Variants in INTS9 observed in about 807,000 individuals in gnomAD.
The protein encoded by INTS9 is integrator complex subunit 9, also known as protein related to CPSF subunits of 74 kDa.
In INTS9, 55 loss-of-function variants were observed where a neutral mutation model predicts 79.7. That is an observed-to-expected ratio of 0.69 (90% CI 0.56 to 0.86). The LOEUF (loss-of-function observed/expected upper bound fraction) is 0.86. Ranked by LOEUF, INTS9 falls within the 40% of genes least tolerant of loss-of-function variation. The probability of loss-of-function intolerance (pLI) is 0.00; values close to 1 mark genes in which losing one functional copy is unlikely to be tolerated. For missense variants in INTS9, 721 were observed against 831.5 expected (o/e 0.87, Z 1.64); for synonymous variants, 319 against 325.2 (o/e 0.98, Z 0.20).
At position 28,837,788 on chromosome 8, in the gene INTS9, G is replaced by C; in HGVS notation, c.262-12C>G. 1 of 1,611,324 alleles carries C rather than the reference G, an allele frequency of 6.2e-7. No homozygotes were observed. Among genetic ancestry groups the C allele is most frequent in the African/African-American group, 1.3e-5 (1 of 75,014 alleles). On this transcript the variant is annotated splice_polypyrimidine_tract_variant and intron_variant, in intron 4 of 16. Coordinates refer to ENST00000521022, the MANE Select transcript of INTS9 (RefSeq NM_018250.4). ...TCTATTAGCTCCGTCTGAAAAGAAA[G>C]GGAGGGAATGATATATATCTGTTCA...
chr8:28,786,873 A>T (rs568832171), intron 11 of INTS9, among the ~76,000 whole-genome samples: 1 of 152,074 alleles, frequency 6.6e-6, no homozygotes, highest in South Asian at 2.1e-4. Flanking sequence ...ACCCGCCACC[A>T]CGCCTGGCTA....
At chr8:28,876,269 T>C (rs1809380337) in intron 1 of INTS9, among the ~76,000 whole-genome samples, 1 of 152,214 alleles carries the variant, frequency 6.6e-6, no homozygotes, top group Admixed American at 6.5e-5. Context: ...CTAGGGATCA[T>C]GTGTAGAAAT....
chr8:28,775,836 CG>C lies in INTS9; in HGVS notation c.1485del (p.Ala496ProfsTer76), dbSNP rs780617509. On this transcript the variant is annotated frameshift_variant, in exon 14 of 17. Coordinates refer to ENST00000521022, the MANE Select transcript of INTS9 (RefSeq NM_018250.4). LOFTEE classifies it high-confidence loss of function. ...ACCTCAGCCCGCCGATAGGACATGG[CG>C]GGGGGCTGGCAGTCGATCATGAGGT... ...RMDLMIDCQP[P>X]AMSYRRAEVL... The C allele has an allele frequency of 6.2e-7, 1 of 1,613,668 alleles. No homozygotes were observed. The highest frequency in any genetic ancestry group is 2.2e-5 in the East Asian group (1 of 44,856).
chr8:28,852,673 T>C (rs1201237914), intron 2 of INTS9, among the ~76,000 whole-genome samples: 2 of 152,220 alleles, frequency 1.3e-5, no homozygotes, highest in Non-Finnish European at 2.9e-5. Flanking sequence ...ACAGATGCAG[T>C]TAGTTGTCCT....
rs1804062612 is a variant in INTS9, at chr8:28,794,048, T to C, written c.857-61A>G. On this transcript the variant is annotated intron_variant, in intron 9 of 16. Transcript: ENST00000521022. ...TATCAAAAGGGCAGTGTTATAAAGA[T>C]AAACTTGTAAAATAAGATTTGCACT... The C allele has an allele frequency of 6.2e-6, 8 of 1,285,148 alleles. No individual in the cohort carries two copies. The Admixed American group carries it at 1.8e-4, about 29-fold the overall frequency. The allele number at this position is 1,285,148 out of a possible 1,614,324, so 79.6% of individuals were successfully genotyped here. A position where few individuals can be genotyped will look rare whatever the true frequency, so the allele number is the denominator to read the frequency against.
chr8:28,887,957 G>C lies in INTS9; in HGVS notation c.9+1917C>G, dbSNP rs73554873. On this transcript the variant is annotated intron_variant, in intron 1 of 16. Transcript: ENST00000521022. ...TATGTAAAGTAAACCCTGGCTTTTTGATACCCTCACTAATGAGTTGTTATG... is the reference window on the plus strand; with the variant it reads ...TATGTAAAGTAAACCCTGGCTTTTTCATACCCTCACTAATGAGTTGTTATG... 5.1e-3 allele frequency among the ~76,000 whole-genome samples: 769 copies of C among 152,226 alleles called. 3 individuals are homozygous for C. The highest frequency in any genetic ancestry group is 0.016 in the African/African-American group (676 of 41,542).
At chr8:28,831,462 A>T (rs75927038) in intron 6 of INTS9, among the ~76,000 whole-genome samples, 3,184 of 152,228 alleles carry the variant, frequency 0.021, 107 homozygotes, top group African/African-American at 0.073. Context: ...CAGAACTTAA[A>T]TTTTTTTTAA....
At chr8:28,811,126 CTCTTTT>C (rs1402520344) in intron 8 of INTS9, among the ~76,000 whole-genome samples, 1 of 139,520 alleles carries the variant, frequency 7.2e-6, no homozygotes, top group Non-Finnish European at 1.5e-5. Context: ...TTCTTTCTCT[CTCTTTT>C]TTTTTTTTTT....
At chr8:28,807,698 C>G (rs1804886670) in intron 8 of INTS9, among the ~76,000 whole-genome samples, 1 of 152,118 alleles carries the variant, frequency 6.6e-6, no homozygotes, top group African/African-American at 2.4e-5. Flanking sequence ...TTTAAAAAAT[C>G]AGAAAGTTGG....
At chr8:28,791,151 C>T (rs1803896427) in intron 10 of INTS9, among the ~76,000 whole-genome samples, 1 of 152,140 alleles carries the variant, frequency 6.6e-6, no homozygotes, top group African/African-American at 2.4e-5. Context: ...CTGGAGTCTT[C>T]AGTCCCTCGA....
At chr8:28,804,509 A>G (rs1804696225) in intron 8 of INTS9, among the ~76,000 whole-genome samples, 1 of 150,946 alleles carries the variant, frequency 6.6e-6, no homozygotes, top group Non-Finnish European at 1.5e-5. Context: ...AGTGGGATGA[A>G]GGTTCACAGA....
intron 1 of INTS9, among the ~76,000 whole-genome samples, chr8:28,867,985 T>C (rs1202489699): frequency 2.6e-5 from 4 of 152,108 alleles, no homozygotes; most frequent in African/African-American, 9.7e-5. Flanking sequence ...TCTAAGAAAA[T>C]GTGCCAGGAC....
intron 11 of INTS9, among the ~76,000 whole-genome samples, chr8:28,781,876 C>T (rs1158424491): frequency 6.6e-6 from 1 of 152,110 alleles, no homozygotes; most frequent in Non-Finnish European, 1.5e-5. Flanking sequence ...TTCATTTGTT[C>T]AAAACCATAG....
chr8:28,830,354 C>A (rs1186519551), intron 6 of INTS9, among the ~76,000 whole-genome samples: 2 of 152,228 alleles, frequency 1.3e-5, no homozygotes, highest in Non-Finnish European at 2.9e-5. Context: ...GCTCTTCAGG[C>A]CAGGCATGGT....
intron 10 of INTS9, among the ~76,000 whole-genome samples, chr8:28,790,453 G>A (rs1053059647): frequency 2.0e-5 from 3 of 152,102 alleles, no homozygotes; most frequent in South Asian, 2.1e-4. Flanking sequence ...TCAGCCTCCC[G>A]AGTAGCTGGA....
At chr8:28,820,040 G>A (rs1037187562) in intron 6 of INTS9, among the ~76,000 whole-genome samples, 1 of 152,086 alleles carries the variant, frequency 6.6e-6, no homozygotes, top group Non-Finnish European at 1.5e-5. Flanking sequence ...TTGAGCCTAT[G>A]TGTGTCTCTG....
chr8:28,787,681 TA>T (rs72293390), intron 11 of INTS9, 147 bp downstream of exon 11: 5,490 of 483,086 alleles, frequency 0.011, 214 homozygotes, highest in African/African-American at 0.089. Flanking sequence ...AAGCTTGAGT[TA>T]AAATACTTCC....
intron 8 of INTS9, among the ~76,000 whole-genome samples, chr8:28,802,378 G>A (rs1025508760): frequency 6.6e-6 from 1 of 152,140 alleles, no homozygotes; most frequent in Non-Finnish European, 1.5e-5. Flanking sequence ...ACCACTGCTC[G>A]AAGGCAGACA....
At chr8:28,792,790 G>A (rs1203541448) in intron 10 of INTS9, among the ~76,000 whole-genome samples, 3 of 152,022 alleles carry the variant, frequency 2.0e-5, no homozygotes, top group Non-Finnish European at 2.9e-5. Flanking sequence ...GCGGGTGCCT[G>A]TAATCCCAGC....
Sources: gnomAD v4.1 joint callset for allele counts (sites outside exome capture counted in the v4.1 genomes callset) on GRCh38, gnomAD v4.1.1 for gene constraint, MANE v1.5 for transcripts, NCBI Gene and HGNC (gene_info 2026-07-23, HGNC 2026-07-21) for gene names.